PLCL2: variants seen among roughly 807,000 people sequenced by gnomAD.
The protein encoded by PLCL2 is phospholipase C like 2, also known as inactive phospholipase C-like protein 2.
PLCL2 carries 4 observed loss-of-function variants against 79.6 expected under a neutral mutation model. The ratio of observed to expected loss-of-function variants is 0.05; its 90% CI spans 0.02 to 0.11. The LOEUF (loss-of-function observed/expected upper bound fraction) is 0.11, where lower values mean the gene tolerates loss of function less well. Among genes scored for constraint, PLCL2 ranks in the 10% least tolerant of loss-of-function variants. The pLI is 1.00. For synonymous variants in PLCL2, 484 were observed against 457.7 expected, an observed-to-expected ratio of 1.06 and a Z score of -0.73; for missense variants, 895 against 1,291.0, an observed-to-expected ratio of 0.69 and a Z score of 4.70.
At chr3:16,896,823 C>T (rs1696491070) in intron 1 of PLCL2, among the ~76,000 whole-genome samples, 1 of 152,122 alleles carries the variant, frequency 6.6e-6, no homozygotes, top group South Asian at 2.1e-4. Flanking sequence ...AAATAATCTT[C>T]AGATGGGTCA....
intron 1 of PLCL2, among the ~76,000 whole-genome samples, chr3:16,982,130 C>T (rs1008290557): frequency 1.3e-5 from 2 of 152,180 alleles, no homozygotes; most frequent in African/African-American, 4.8e-5. Context: ...ACCCAGAGTC[C>T]ATTAGAAAAA....
At chr3:17,070,165 G>A (rs182521070) in intron 5 of PLCL2, among the ~76,000 whole-genome samples, 16 of 152,264 alleles carry the variant, frequency 1.1e-4, no homozygotes, top group Non-Finnish European at 1.9e-4. Context: ...CCTCAGAGGG[G>A]AACTTGTTAG....
At chr3:17,061,489 C>G (rs1299387857) in intron 4 of PLCL2, among the ~76,000 whole-genome samples, 1 of 152,020 alleles carries the variant, frequency 6.6e-6, no homozygotes, top group Non-Finnish European at 1.5e-5. Flanking sequence ...TTTTATAAAA[C>G]CTGACATTTT....
At chr3:16,885,933 C>A (rs761929264) in intron 1 of PLCL2, among the ~76,000 whole-genome samples, 8 of 152,150 alleles carry the variant, frequency 5.3e-5, no homozygotes, top group Non-Finnish European at 8.8e-5. Flanking sequence ...AACATAAATG[C>A]AGATTTCCGC....
rs1190120332 is a variant in PLCL2 at position 16,886,600 on chromosome 3, A to G, written c.327+1234A>G. ...CCTTTGTCATCTGTTTGCGCAGTTT[A>G]TGTCTGGGCAAGGACACAATTTGAA... On this transcript the variant is annotated intron_variant, in intron 1 of 5. Coordinates refer to ENST00000615277, the MANE Select transcript of PLCL2 (RefSeq NM_001144382.2). The surrounding 1 kb of genome is among the most constrained non-coding windows in gnomAD (Gnocchi z 4.2). Among the ~76,000 whole-genome samples, 2 of 152,200 alleles carry G rather than the reference A, an allele frequency of 1.3e-5. No homozygotes were observed. The highest frequency in any genetic ancestry group is 2.9e-5 in the Non-Finnish European group (2 of 68,038).
chr3:16,961,020 AG>A (rs1409511727), intron 1 of PLCL2, among the ~76,000 whole-genome samples: 1 of 152,238 alleles, frequency 6.6e-6, no homozygotes, highest in African/African-American at 2.4e-5. Flanking sequence ...AGTTTCTGTT[AG>A]ATATGACAGG....
intron 1 of PLCL2, among the ~76,000 whole-genome samples, chr3:16,935,616 A>G (rs908076556): frequency 6.6e-6 from 1 of 152,174 alleles, no homozygotes; most frequent in Admixed American, 6.5e-5. Flanking sequence ...AATCGGGACA[A>G]CCTAGTCTAT....
chr3:16,947,011 A>G (rs2063607595), intron 1 of PLCL2, among the ~76,000 whole-genome samples: 1 of 127,078 alleles, frequency 7.9e-6, no homozygotes, highest in South Asian at 2.5e-4. Context: ...GCTGGAGTGC[A>G]GTGGCACGGT....
At chr3:17,084,990 T>C (rs974847209) in intron 5 of PLCL2, among the ~76,000 whole-genome samples, 13 of 152,138 alleles carry the variant, frequency 8.5e-5, no homozygotes, top group African/African-American at 2.9e-4. Flanking sequence ...GAAATAAAAC[T>C]GTCTCTGTTC....
At chr3:17,050,217 A>C (rs1355680528) in intron 4 of PLCL2, among the ~76,000 whole-genome samples, 1 of 152,210 alleles carries the variant, frequency 6.6e-6, no homozygotes, top group East Asian at 1.9e-4. Context: ...CTGTGAAACT[A>C]CTGCAAGAAA....
At position 17,011,194 on chromosome 3, in the gene PLCL2, A is replaced by G; in HGVS notation, c.1848A>G (p.Lys616=). The G allele has an allele frequency of 6.2e-7, 1 of 1,614,210 alleles. No individual in the cohort carries two copies. Among genetic ancestry groups the G allele is most frequent in the Non-Finnish European group, 8.5e-7 (1 of 1,180,034 alleles). Residue 616 remains lysine (K), a synonymous_variant, in exon 2 of 6, where the codon AAA becomes AAG. Transcript: ENST00000615277. The surrounding 1 kb of genome is among the most constrained non-coding windows in gnomAD (Gnocchi z 7.9). ...CTGTGAAGCGATTTCAGCTTTGTAA[A>G]GAACTGTCTGAACTGGTCAGCATCT... ...NVPVKRFQLC[K]ELSELVSICK... is the part of the protein sequence containing the mutation.
chr3:16,892,521 T>G (rs1360920419), intron 1 of PLCL2, among the ~76,000 whole-genome samples: 3 of 152,228 alleles, frequency 2.0e-5, no homozygotes, highest in African/African-American at 7.2e-5. Context: ...CTGAATTACT[T>G]AAACTCCTAT....
chr3:17,074,205 T>G (rs993797782), intron 5 of PLCL2, among the ~76,000 whole-genome samples: 1 of 152,258 alleles, frequency 6.6e-6, no homozygotes, highest in African/African-American at 2.4e-5. Context: ...ATGGATATTG[T>G]ATTAGCAGGC....
chr3:17,011,978 G>T lies in PLCL2; in HGVS notation c.2632G>T (p.Val878Leu), dbSNP rs745447059. The change falls in exon 2 of 6, where the codon GTG becomes TTG. Residue 878 changes from valine (V) to leucine (L), a missense_variant. This residue lies in a region of PLCL2 where 298 missense variants were observed against 459.6 expected (regional missense o/e 0.65). Coordinates refer to ENST00000615277, the MANE Select transcript of PLCL2 (RefSeq NM_001144382.2). The surrounding 1 kb of genome is among the most constrained non-coding windows in gnomAD (Gnocchi z 7.9). Reference sequence around the variant, plus strand: ...TGCACATGCTTCTTTATTTGTCCACGTGGCTATTACTAACCGAAGAGGAGG... The same window carrying T: ...TGCACATGCTTCTTTATTTGTCCACTTGGCTATTACTAACCGAAGAGGAGG... ...VLAHASLFVH[V>L]AITNRRGGGK... 6.2e-7 allele frequency: 1 copy of T among 1,614,022 alleles called. No individual in the cohort carries two copies. Among genetic ancestry groups the T allele is most frequent in the East Asian group, 2.2e-5 (1 of 44,896 alleles).
intron 3 of PLCL2, among the ~76,000 whole-genome samples, chr3:17,032,157 C>CA (rs2064590781): frequency 6.6e-6 from 1 of 151,926 alleles, no homozygotes; most frequent in Non-Finnish European, 1.5e-5. Context: ...AAGTATTTAA[C>CA]GTATATTCAT....
chr3:16,918,193 A>C (rs1185740003), intron 1 of PLCL2, among the ~76,000 whole-genome samples: 1 of 152,240 alleles, frequency 6.6e-6, no homozygotes, highest in Admixed American at 6.5e-5. Flanking sequence ...AAGGAAGAAC[A>C]GATTATCACT....
intron 1 of PLCL2, among the ~76,000 whole-genome samples, chr3:16,990,296 G>A (rs2064091942): frequency 6.6e-6 from 1 of 152,138 alleles, no homozygotes; most frequent in South Asian, 2.1e-4. Context: ...ACACAGGAAG[G>A]GCTGGTGCAG....
intron 1 of PLCL2, among the ~76,000 whole-genome samples, chr3:16,969,709 T>C (rs2063839313): frequency 1.3e-5 from 2 of 152,220 alleles, no homozygotes; most frequent in African/African-American, 2.4e-5. Flanking sequence ...GATTCATTGA[T>C]CCTTTGTATG....
chr3:17,049,801 T>C (rs1055245439), intron 4 of PLCL2, among the ~76,000 whole-genome samples: 4 of 151,910 alleles, frequency 2.6e-5, no homozygotes, highest in Admixed American at 1.3e-4. Context: ...AAAATTCCAG[T>C]GACATTCTTC....
Sources: gnomAD v4.1 joint callset for allele counts (sites outside exome capture counted in the v4.1 genomes callset) on GRCh38, gnomAD v4.1.1 for gene constraint, gnomAD v4.1.1 regional missense constraint, Gnocchi (gnomAD v3.1) non-coding constraint, MANE v1.5 for transcripts, NCBI Gene and HGNC (gene_info 2026-07-23, HGNC 2026-07-21) for gene names.